CNTN5: variants seen among roughly 807,000 people sequenced by gnomAD.
The protein encoded by CNTN5 is contactin-5.
In CNTN5, 77 loss-of-function variants were observed where a neutral mutation model predicts 129.1. The ratio of observed to expected loss-of-function variants is 0.60; its 90% CI spans 0.50 to 0.72. The LOEUF (loss-of-function observed/expected upper bound fraction) is 0.72, where lower values mean the gene tolerates loss of function less well. Among genes scored for constraint, CNTN5 ranks in the 30% least tolerant of loss-of-function variants. The pLI is 0.00. For missense variants in CNTN5, 1,478 were observed against 1,328.8 expected (o/e 1.11, Z -1.75); for synonymous variants, 509 against 465.6 (o/e 1.09, Z -1.20).
intron 2 of CNTN5, among the ~76,000 whole-genome samples, chr11:99,328,853 A>G (rs1396089068): frequency 6.8e-6 from 1 of 146,398 alleles, no homozygotes; most frequent in Non-Finnish European, 1.5e-5. Flanking sequence ...CTGGGCAACA[A>G]GAACAAAACT....
intron 2 of CNTN5, among the ~76,000 whole-genome samples, chr11:99,328,074 G>T (rs1372160809): frequency 2.6e-5 from 4 of 152,242 alleles, no homozygotes; most frequent in Admixed American, 2.6e-4. Flanking sequence ...AGTAGAATGT[G>T]CTCTGAATTT....
intron 15 of CNTN5, among the ~76,000 whole-genome samples, chr11:100,218,917 A>C (rs542737144): frequency 2.0e-5 from 3 of 152,198 alleles, no homozygotes; most frequent in Admixed American, 2.0e-4. Flanking sequence ...TTAACTTAGC[A>C]TTGGCATAGC....
intron 3 of CNTN5, among the ~76,000 whole-genome samples, chr11:99,681,877 C>G (rs1441513782): frequency 6.6e-6 from 1 of 151,870 alleles, no homozygotes. Context: ...TAAAAATATC[C>G]TTAGAATCCT....
chr11:99,217,338 A>T (rs1860181803), intron 1 of CNTN5, among the ~76,000 whole-genome samples: 1 of 152,222 alleles, frequency 6.6e-6, no homozygotes, highest in African/African-American at 2.4e-5. Flanking sequence ...AACTGTCAAC[A>T]TTACTAATTA....
chr11:99,998,617 G>A (rs2137454389), intron 8 of CNTN5, among the ~76,000 whole-genome samples: 2 of 129,482 alleles, frequency 1.5e-5, no homozygotes, highest in Non-Finnish European at 3.3e-5. Flanking sequence ...TCCCCATCAA[G>A]CTACCAATGA....
At chr11:99,918,891 T>G (rs185233992) in intron 7 of CNTN5, among the ~76,000 whole-genome samples, 1 of 152,208 alleles carries the variant, frequency 6.6e-6, no homozygotes, top group Non-Finnish European at 1.5e-5. Context: ...ACTCTGTAAA[T>G]TACCCCTCCC....
chr11:99,200,802 A>G (rs1183570152), intron 1 of CNTN5, among the ~76,000 whole-genome samples: 1 of 152,104 alleles, frequency 6.6e-6, no homozygotes, highest in Non-Finnish European at 1.5e-5. Context: ...AACAGAATTG[A>G]ACCCCAGAGG....
At chr11:99,428,749 T>G (rs912139215) in intron 2 of CNTN5, among the ~76,000 whole-genome samples, 5 of 152,132 alleles carry the variant, frequency 3.3e-5, no homozygotes, top group Non-Finnish European at 7.4e-5. Context: ...TTTAATAGTT[T>G]ATTTAGATTA....
rs1481107852 is a variant in CNTN5 at position 99,819,622 on chromosome 11, T to C, written c.134T>C (p.Leu45Pro). 1 of 1,612,958 alleles carries C rather than the reference T, an allele frequency of 6.2e-7. No individual in the cohort carries two copies. Among genetic ancestry groups the C allele is most frequent in the Non-Finnish European group, 8.5e-7 (1 of 1,179,834 alleles). The change falls in exon 4 of 25, where the codon CTC becomes CCC. Residue 45 changes from leucine (L) to proline (P), a missense_variant. By Grantham distance (98) the Leu-to-Pro change is moderately conservative (BLOSUM62 -3). Transcript: ENST00000524871. ...LRIKKSSSSS[L>P]FGSKTRPRYS... ...ATTAAGAAGAGTTCATCTTCATCTC[T>C]CTTTGGTTCCAAAACCAGACCACGA...
intron 2 of CNTN5, among the ~76,000 whole-genome samples, chr11:99,386,736 A>C (rs1247853061): frequency 6.6e-6 from 1 of 152,098 alleles, no homozygotes. Flanking sequence ...GCTCTGGTTC[A>C]CACACCTCTG....
intron 3 of CNTN5, among the ~76,000 whole-genome samples, chr11:99,713,390 T>C (rs1955083095): frequency 6.6e-6 from 1 of 152,048 alleles, no homozygotes; most frequent in South Asian, 2.1e-4. Context: ...CTTAAGGAGA[T>C]TTTGGGTTCA....
At chr11:99,278,595 A>G (rs1334587053) in intron 1 of CNTN5, among the ~76,000 whole-genome samples, 1 of 151,678 alleles carries the variant, frequency 6.6e-6, no homozygotes, top group Non-Finnish European at 1.5e-5. Flanking sequence ...CTGATCTTTC[A>G]TAGGCACTTT....
chr11:99,532,442 G>T (rs1233857872), intron 2 of CNTN5, among the ~76,000 whole-genome samples: 1 of 152,090 alleles, frequency 6.6e-6, no homozygotes, highest in Non-Finnish European at 1.5e-5. Context: ...TAAGACTTTG[G>T]GGGACTGTTG....
chr11:99,367,695 A>G (rs1315029243), intron 2 of CNTN5, among the ~76,000 whole-genome samples: 1 of 152,174 alleles, frequency 6.6e-6, no homozygotes, highest in Admixed American at 6.5e-5. Context: ...ATAGGAGAAA[A>G]CTTCAGAGTG....
intron 1 of CNTN5, among the ~76,000 whole-genome samples, chr11:99,142,340 T>C (rs996077928): frequency 1.3e-5 from 2 of 151,828 alleles, no homozygotes; most frequent in African/African-American, 4.8e-5. Flanking sequence ...TATGTGCCAG[T>C]AAAACTGTCG....
At chr11:100,143,034 G>A (rs1257968251) in intron 13 of CNTN5, among the ~76,000 whole-genome samples, 1 of 151,874 alleles carries the variant, frequency 6.6e-6, no homozygotes, top group African/African-American at 2.4e-5. Context: ...GTTTAGACTT[G>A]GGTCTCCCAA....
intron 23 of CNTN5, among the ~76,000 whole-genome samples, chr11:100,344,005 C>T (rs1213200039): frequency 6.6e-6 from 1 of 152,080 alleles, no homozygotes; most frequent in African/African-American, 2.4e-5. Context: ...ATTCTTGGAA[C>T]ATTTGAAGCA....
chr11:99,467,250 T>C (rs1273427948), intron 2 of CNTN5, among the ~76,000 whole-genome samples: 1 of 152,170 alleles, frequency 6.6e-6, no homozygotes, highest in Non-Finnish European at 1.5e-5. Context: ...TTTTTGGGTC[T>C]TTCTTGGGAA....
chr11:99,092,674 C>T (rs911530100), intron 1 of CNTN5, among the ~76,000 whole-genome samples: 2 of 151,894 alleles, frequency 1.3e-5, no homozygotes, highest in African/African-American at 4.8e-5. Context: ...AATTATGATA[C>T]TTATGTACAT....
Sources: allele counts gnomAD v4.1 joint callset (sites outside exome capture counted in the v4.1 genomes callset), GRCh38; gene constraint gnomAD v4.1.1; transcripts MANE v1.5; gene names NCBI Gene and HGNC (gene_info 2026-07-23, HGNC 2026-07-21).